Variants in MYO5B observed in about 807,000 individuals in gnomAD.
The protein encoded by MYO5B is unconventional myosin-Vb.
MYO5B carries 143 observed loss-of-function variants against 229.3 expected under a neutral mutation model. That is an observed-to-expected ratio of 0.62 (90% confidence interval 0.54 to 0.72). MYO5B has a LOEUF of 0.72. Among genes scored for constraint, MYO5B ranks in the 30% least tolerant of loss-of-function variants. The pLI, the probability that MYO5B is intolerant of heterozygous loss-of-function variation, is 0.00. For missense variants in MYO5B, 2,321 were observed against 2,331.0 expected (o/e 1.00, Z 0.09); for synonymous variants, 918 against 885.2 (o/e 1.04, Z -0.66).
chr18:49,933,081 A>G (rs558008017), intron 16 of MYO5B, among the ~76,000 whole-genome samples: 7 of 152,308 alleles, frequency 4.6e-5, no homozygotes, highest in African/African-American at 1.7e-4. Context: ...GTTAGAACCG[A>G]GCCCTACCTC....
intron 31 of MYO5B, chr18:49,850,604 C>G (rs904768353): frequency 3.9e-5 from 6 of 152,208 alleles, no homozygotes; most frequent in Non-Finnish European, 7.3e-5. Context: ...ATTCAGTGAC[C>G]TAAGAGTGGC....
At chr18:50,017,949 G>A (rs775982933) in intron 4 of MYO5B, among the ~76,000 whole-genome samples, 5 of 152,284 alleles carry the variant, frequency 3.3e-5, no homozygotes, top group Admixed American at 2.6e-4. Flanking sequence ...ACACAGAAAC[G>A]AATTTAGGGA....
At chr18:49,887,261 T>A (rs1189191867) in intron 22 of MYO5B, among the ~76,000 whole-genome samples, 1 of 152,148 alleles carries the variant, frequency 6.6e-6, no homozygotes, top group East Asian at 1.9e-4. Flanking sequence ...GATGATGTCA[T>A]GCACTCTGTG....
Position 49,962,150 on chromosome 18 carries a change from C to A in MYO5B, c.1545+116G>T, listed in dbSNP as rs2025566548. 5 of 1,383,256 alleles carry A rather than the reference C, an allele frequency of 3.6e-6. No individual in the cohort carries two copies. In the South Asian group the frequency reaches 5.9e-5, roughly 16 times the overall value. The allele number at this position is 1,383,256 out of a possible 1,614,324, so 85.7% of individuals were successfully genotyped here. A position where few individuals can be genotyped will look rare whatever the true frequency, so the allele number is the denominator to read the frequency against. On this transcript the variant is annotated intron_variant, in intron 12 of 39. Transcript: ENST00000285039. The stretch of plus-strand genomic sequence containing the variant: ...AGTATGCAGCCTGCCAACGCTTCTT[C>A]CAGCACACTGAAGGCCAGCTGATCA...
chr18:50,158,955 T>C (rs1052958147), intron 1 of MYO5B, among the ~76,000 whole-genome samples: 5 of 152,180 alleles, frequency 3.3e-5, no homozygotes, highest in Non-Finnish European at 7.4e-5. Flanking sequence ...TGTTTGCCGT[T>C]ATCATTATTA....
intron 21 of MYO5B, among the ~76,000 whole-genome samples, chr18:49,901,028 T>C (rs1294513235): frequency 1.3e-5 from 2 of 152,196 alleles, no homozygotes; most frequent in South Asian, 2.1e-4. Flanking sequence ...TTTCCTCATA[T>C]ACAAAATGAT....
intron 4 of MYO5B, among the ~76,000 whole-genome samples, chr18:50,016,630 G>A (rs2026218367): frequency 6.6e-6 from 1 of 151,996 alleles, no homozygotes; most frequent in African/African-American, 2.4e-5. Context: ...CTCCAAATCT[G>A]TCACTTTGCC....
chr18:50,166,584 C>T (rs960009783), intron 1 of MYO5B, among the ~76,000 whole-genome samples: 4 of 152,176 alleles, frequency 2.6e-5, no homozygotes, highest in Admixed American at 2.0e-4. Flanking sequence ...TTTTAAAAAC[C>T]ACAAGCTCAT....
intron 1 of MYO5B, among the ~76,000 whole-genome samples, chr18:50,119,729 C>T (rs921329549): frequency 6.6e-6 from 1 of 152,160 alleles, no homozygotes; most frequent in African/African-American, 2.4e-5. Context: ...AGTTGTTCAT[C>T]GCGCCACTTA....
intron 22 of MYO5B, among the ~76,000 whole-genome samples, chr18:49,892,865 G>A (rs750184123): frequency 8.5e-5 from 13 of 152,162 alleles, no homozygotes; most frequent in Non-Finnish European, 1.5e-5. Flanking sequence ...TTACATTTGG[G>A]GTAGGGAAGG....
At chr18:49,997,266 TTAAAAAAAAA>T (rs1224643723) in intron 5 of MYO5B, among the ~76,000 whole-genome samples, 2 of 66,782 alleles carry the variant, frequency 3.0e-5, no homozygotes, top group African/African-American at 6.4e-5. Flanking sequence ...GGTCCTGTCT[TTAAAAAAAAA>T]AAAAAAAAAA....
chr18:50,070,018 C>CTTTTTTTTTTTTTTTTTT (rs765610800), intron 1 of MYO5B, among the ~76,000 whole-genome samples: 3 of 110,070 alleles, frequency 2.7e-5, no homozygotes, highest in African/African-American at 1.1e-4. Context: ...GCAATTTAGT[C>CTTTTTTTTTTTTTTTTTT]TTTTTTTTTT....
chr18:50,022,609 G>A (rs917818128), intron 4 of MYO5B, among the ~76,000 whole-genome samples: 3 of 152,160 alleles, frequency 2.0e-5, no homozygotes, highest in Admixed American at 2.0e-4. Context: ...TTGAAATCCT[G>A]CCTGCTGCCG....
chr18:49,849,658 G>A lies in MYO5B; in HGVS notation c.4224C>T (p.Asp1408=). The A allele has an allele frequency of 6.2e-7, 1 of 1,612,258 alleles. No individual in the cohort carries two copies. Among genetic ancestry groups the A allele is most frequent in the Non-Finnish European group, 8.5e-7 (1 of 1,178,520 alleles). Reference sequence around the variant, plus strand: ...CCAGCTTTTCTACCAGTTCTTTAAGGTCCTGGAAGCAGAGGAAGCAGTGTG... The same window carrying A: ...CCAGCTTTTCTACCAGTTCTTTAAGATCCTGGAAGCAGAGGAAGCAGTGTG... The part of the protein sequence containing the change: ...EISRLTNENL[D]LKELVEKLEK... The change falls in exon 32 of 40, where the codon GAC becomes GAT. Residue 1408 remains aspartate, a splice_region_variant and synonymous_variant. Transcript: ENST00000285039.
intron 12 of MYO5B, among the ~76,000 whole-genome samples, chr18:49,958,641 G>A (rs562969331): frequency 1.3e-5 from 2 of 152,174 alleles, no homozygotes; most frequent in South Asian, 2.1e-4. Flanking sequence ...CTCCTCTCTC[G>A]CACCGCTTCT....
chr18:50,111,370 A>T (rs138593088), intron 1 of MYO5B, among the ~76,000 whole-genome samples: 7 of 152,368 alleles, frequency 4.6e-5, no homozygotes, highest in African/African-American at 1.7e-4. Flanking sequence ...ATAGTAAATT[A>T]TTTTGTTAGA....
chr18:50,153,779 C>T (rs2032637006), intron 1 of MYO5B, among the ~76,000 whole-genome samples: 1 of 152,134 alleles, frequency 6.6e-6, no homozygotes, highest in Non-Finnish European at 1.5e-5. Flanking sequence ...AAAATCAACT[C>T]TACCCTTGAG....
At chr18:49,996,504 C>T (rs2025988965) in intron 5 of MYO5B, among the ~76,000 whole-genome samples, 1 of 152,140 alleles carries the variant, frequency 6.6e-6, no homozygotes, top group Non-Finnish European at 1.5e-5. Flanking sequence ...TAGAACACAG[C>T]TCATGGATTA....
rs1442824152 is a variant in MYO5B at position 49,986,937 on chromosome 18, T to C, written c.839-2112A>G. Among the ~76,000 whole-genome samples, 4 of 152,184 alleles carry C rather than the reference T, an allele frequency of 2.6e-5. No homozygotes were observed. In the East Asian group the frequency reaches 7.7e-4, roughly 29 times the overall value. ...AAAACGACAATTTATCTATGGCATC[T>C]CATGATTTTGCCACAAATACAAACT... is the stretch of plus-strand genomic sequence containing the variant. On this transcript the variant is annotated intron_variant, in intron 7 of 39. Transcript: ENST00000285039.
Sources: allele counts gnomAD v4.1 joint callset (sites outside exome capture counted in the v4.1 genomes callset), GRCh38; gene constraint gnomAD v4.1.1; transcripts MANE v1.5; gene names NCBI Gene and HGNC (gene_info 2026-07-23, HGNC 2026-07-21).